The following XPNPEP1 variants were observed in gnomAD, a reference collection of about 807,000 sequenced individuals.
XPNPEP1 encodes the protein X-prolyl aminopeptidase 1.
In XPNPEP1, 39 loss-of-function variants were observed where a neutral mutation model predicts 92.4. That is an observed-to-expected ratio of 0.42 (90% CI 0.33 to 0.55). The LOEUF (loss-of-function observed/expected upper bound fraction) is 0.55. Ranked by LOEUF, XPNPEP1 falls within the 20% of genes least tolerant of loss-of-function variation. XPNPEP1 has a pLI of 0.08. For missense variants in XPNPEP1, 654 were observed against 856.1 expected (o/e 0.76, Z 2.95); for synonymous variants, 307 against 299.4 (o/e 1.03, Z -0.26).
chr10:109,899,722 C>T (rs889596251), intron 3 of XPNPEP1, among the ~76,000 whole-genome samples: 4 of 152,242 alleles, frequency 2.6e-5, no homozygotes, highest in African/African-American at 9.6e-5. Context: ...GGAGGAACCA[C>T]AAACAAAGCC....
chr10:109,914,508 T>A (rs1227688141), intron 2 of XPNPEP1, among the ~76,000 whole-genome samples: 1 of 151,290 alleles, frequency 6.6e-6, no homozygotes, highest in Non-Finnish European at 1.5e-5. Flanking sequence ...TAAAAAAAAA[T>A]GGTAATGGCC....
chr10:109,901,111 G>A (rs186749812), intron 3 of XPNPEP1, among the ~76,000 whole-genome samples: 1 of 152,026 alleles, frequency 6.6e-6, no homozygotes, highest in African/African-American at 2.4e-5. Context: ...CCATAAAAAA[G>A]GATGAGTTTA....
At chr10:109,894,680 G>A (rs577240694) in intron 3 of XPNPEP1, among the ~76,000 whole-genome samples, 20 of 152,234 alleles carry the variant, frequency 1.3e-4, no homozygotes, top group African/African-American at 4.1e-4. Flanking sequence ...AGCAGCTCTG[G>A]GCCACCTGCC....
chr10:109,906,030 TG>T (rs758715000), intron 3 of XPNPEP1, among the ~76,000 whole-genome samples: 7 of 152,216 alleles, frequency 4.6e-5, no homozygotes, highest in African/African-American at 7.2e-5. Flanking sequence ...GTCGCAACCA[TG>T]TAGACCAGGA....
Position 109,888,198 on chromosome 10 carries a change from G to A in XPNPEP1, c.509-6C>T, listed in dbSNP as rs1038999417. 1 of 1,609,454 alleles carries A rather than the reference G, an allele frequency of 6.2e-7. No homozygotes were observed. Among genetic ancestry groups the A allele is most frequent in the Non-Finnish European group, 8.5e-7 (1 of 1,179,790 alleles). ...GGCCATTTTCTTCCAATAATCTGAG[G>A]AGACACATTGTGGCCCAGCCATGAG... On this transcript the variant is annotated splice_region_variant and splice_polypyrimidine_tract_variant and intron_variant, in intron 6 of 20. Coordinates refer to ENST00000502935, the MANE Select transcript of XPNPEP1 (RefSeq NM_020383.4).
rs1280713831 is a variant in XPNPEP1 at position 109,867,341 on chromosome 10, G to A, written c.1872+1273C>T. ...GCTGAAGAGACACACCAGACATTGTGCTGATAGGCTGAGTTTCCTTTTCCA... is the reference window on the plus strand; with the variant it reads ...GCTGAAGAGACACACCAGACATTGTACTGATAGGCTGAGTTTCCTTTTCCA... On this transcript the variant is annotated intron_variant, in intron 20 of 20. Coordinates refer to ENST00000502935, the MANE Select transcript of XPNPEP1 (RefSeq NM_020383.4). This position sits in a 1 kb window ranked among gnomAD's most constrained non-coding sequence, Gnocchi z 4.5. Among the ~76,000 whole-genome samples, 1 of 152,238 alleles carries A rather than the reference G, an allele frequency of 6.6e-6. No homozygotes were observed. The highest frequency in any genetic ancestry group is 1.5e-5 in the Non-Finnish European group (1 of 68,042).
intron 1 of XPNPEP1, among the ~76,000 whole-genome samples, chr10:109,921,074 G>C (rs1239168911): frequency 6.6e-6 from 1 of 152,192 alleles, no homozygotes; most frequent in Admixed American, 6.5e-5. Context: ...TCGTATCTTG[G>C]TCTCCGCAGA....
chr10:109,871,462 C>A (rs537039857), intron 17 of XPNPEP1, among the ~76,000 whole-genome samples: 1 of 152,214 alleles, frequency 6.6e-6, no homozygotes, highest in Non-Finnish European at 1.5e-5. Flanking sequence ...AAAGGGCAGA[C>A]AGGAGGCTGC....
In XPNPEP1 at chr10:109,870,022, C is replaced by A; in HGVS notation, c.1704G>T (p.Gly568=). Residue 568 remains glycine, a synonymous_variant, in exon 19 of 21, where the codon GGG becomes GGT. Transcript: ENST00000502935. Reference sequence around the variant, plus strand: ...TTCCAAAAGCCCCATCTTCATAGTACCCGGGCTCTAAAACAAACCAAATCC... The same window carrying A: ...TTCCAAAAGCCCCATCTTCATAGTAACCGGGCTCTAAAACAAACCAAATCC... ...EAGMIVTDEP[G]YYEDGAFGIR... 6.2e-7 allele frequency: 1 copy of A among 1,614,062 alleles called. No homozygotes were observed. The highest frequency in any genetic ancestry group is 8.5e-7 in the Non-Finnish European group (1 of 1,179,976).
At chr10:109,874,725 G>A (rs190429778) in intron 15 of XPNPEP1, among the ~76,000 whole-genome samples, 51 of 152,244 alleles carry the variant, frequency 3.3e-4, no homozygotes, top group African/African-American at 1.1e-3. Flanking sequence ...CGAGACCGGC[G>A]GATCACGAGG....
intron 17 of XPNPEP1, among the ~76,000 whole-genome samples, chr10:109,871,486 C>G (rs1025850732): frequency 2.0e-5 from 3 of 152,218 alleles, no homozygotes; most frequent in African/African-American, 7.2e-5. Flanking sequence ...AACTTCCACT[C>G]AGGCCCTGTG....
intron 3 of XPNPEP1, among the ~76,000 whole-genome samples, chr10:109,906,044 T>C (rs1163855118): frequency 6.6e-6 from 1 of 152,208 alleles, no homozygotes; most frequent in Non-Finnish European, 1.5e-5. Flanking sequence ...GACCAGGACC[T>C]CTGGGGAGAG....
chr10:109,879,693 G>A (rs1469808797), intron 12 of XPNPEP1, among the ~76,000 whole-genome samples: 1 of 152,096 alleles, frequency 6.6e-6, no homozygotes, highest in Admixed American at 6.5e-5. Flanking sequence ...CCCAATTAAA[G>A]AGTTGTTTAT....
chr10:109,868,933 C>CA (rs1397315125), intron 19 of XPNPEP1, among the ~76,000 whole-genome samples: 1 of 152,140 alleles, frequency 6.6e-6, no homozygotes, highest in African/African-American at 2.4e-5. Flanking sequence ...CAGGAAAGGC[C>CA]AAACAAAGGG....
chr10:109,905,200 T>A (rs545319914), intron 3 of XPNPEP1, among the ~76,000 whole-genome samples: 1 of 152,172 alleles, frequency 6.6e-6, no homozygotes. Flanking sequence ...ATGCGTTATC[T>A]AAAGCAGGCA....
chr10:109,902,297 T>C (rs1849326748), intron 3 of XPNPEP1, among the ~76,000 whole-genome samples: 1 of 152,226 alleles, frequency 6.6e-6, no homozygotes, highest in Non-Finnish European at 1.5e-5. Context: ...ATGAACCCAT[T>C]TCATCCTAAC....
At position 109,873,451 on chromosome 10, in the gene XPNPEP1, G is replaced by A. The variant is rs759708184; in HGVS notation, c.1392-24C>T. 3.7e-6 allele frequency: 6 copies of A among 1,614,040 alleles called. No individual in the cohort carries two copies. The East Asian group carries it at 6.7e-5, about 18-fold the overall frequency. ...CCCTTTCCAAAAAAAGGACAAATTG[G>A]TTTCCCGTCAAAATAAGCTTTAAGT... On this transcript the variant is annotated intron_variant, in intron 15 of 20. Coordinates refer to ENST00000502935, the MANE Select transcript of XPNPEP1 (RefSeq NM_020383.4).
At chr10:109,900,607 T>C (rs1849230761) in intron 3 of XPNPEP1, among the ~76,000 whole-genome samples, 1 of 152,132 alleles carries the variant, frequency 6.6e-6, no homozygotes. Context: ...CTCCAAATCC[T>C]ACCCCTCCTC....
rs556437246 is a variant in XPNPEP1 at position 109,869,604 on chromosome 10, A to G, written c.1773+349T>C. Among the ~76,000 whole-genome samples the G allele has an allele frequency of 1.6e-3, 243 of 152,326 alleles. 1 individual carries two copies. Among genetic ancestry groups the G allele is most frequent in the African/African-American group, 5.7e-3 (238 of 41,564 alleles). On this transcript the variant is annotated intron_variant, in intron 19 of 20. Transcript: ENST00000502935. ...ATAGGCACCCCTAGCAGAAGAGACA[A>G]CAGGCCGCCTATAGTAAACTCAGAG...
Sources: allele counts gnomAD v4.1 joint callset (sites outside exome capture counted in the v4.1 genomes callset), GRCh38; gene constraint gnomAD v4.1.1; non-coding constraint Gnocchi (gnomAD v3.1); transcripts MANE v1.5; gene names NCBI Gene and HGNC (gene_info 2026-07-23, HGNC 2026-07-21).